The following C11orf97 variants were observed in gnomAD, a reference collection of about 807,000 sequenced individuals.
The protein encoded by C11orf97 is chromosome 11 open reading frame 97.
A neutral mutation model predicts 16.2 loss-of-function variants in C11orf97; 15 were observed. The ratio of observed to expected loss-of-function variants is 0.93; its 90% CI spans 0.62 to 1.43. The LOEUF is 1.43. C11orf97 is among the 40% of genes most tolerant of loss of function. The pLI is 0.00. For synonymous variants in C11orf97, 61 were observed against 65.7 expected, an observed-to-expected ratio of 0.93 and a Z score of 0.34; for missense variants, 171 against 161.2, an observed-to-expected ratio of 1.06 and a Z score of -0.33.
Position 94,512,496 on chromosome 11 carries a change from C to A in C11orf97, c.-33C>A. 1 of 1,270,918 alleles carries A rather than the reference C, an allele frequency of 7.9e-7. No homozygotes were observed. Among genetic ancestry groups the A allele is most frequent in the Non-Finnish European group, 9.9e-7 (1 of 1,007,888 alleles). 78.7% of individuals were successfully genotyped at this position (1,270,918 alleles called of 1,614,324 possible). A position where few individuals can be genotyped will look rare whatever the true frequency, so the allele number is the denominator to read the frequency against. On this transcript the variant is annotated 5_prime_UTR_variant, in exon 1 of 4. Coordinates refer to ENST00000542198, the MANE Select transcript of C11orf97 (RefSeq NM_001190462.2). ...GCCTGCGACTGAGCTGAGAAGGAAA[C>A]CGTGCCCAGGGCTCTCGGAAGACCG...
intron 2 of C11orf97, among the ~76,000 whole-genome samples, chr11:94,522,627 A>G (rs1947667322): frequency 6.6e-6 from 1 of 152,158 alleles, no homozygotes; most frequent in East Asian, 1.9e-4. Flanking sequence ...GGCATAGCCT[A>G]TGGTCCAAAT....
At chr11:94,519,144 G>A (rs774930790) in intron 2 of C11orf97, among the ~76,000 whole-genome samples, 24 of 152,230 alleles carry the variant, frequency 1.6e-4, no homozygotes, top group Middle Eastern at 3.4e-3. Flanking sequence ...TCCTGACCTC[G>A]TGATCTGCCC....
chr11:94,531,283 T>C (rs773006373), intron 3 of C11orf97, among the ~76,000 whole-genome samples: 2 of 151,866 alleles, frequency 1.3e-5, no homozygotes, highest in Non-Finnish European at 2.9e-5. Context: ...CTACTAAAAA[T>C]ACAAAAATTA....
At chr11:94,522,991 G>A (rs1362672288) in intron 2 of C11orf97, among the ~76,000 whole-genome samples, 1 of 152,118 alleles carries the variant, frequency 6.6e-6, no homozygotes, top group Non-Finnish European at 1.5e-5. Context: ...CCACTCCACT[G>A]TTCAGCATCC....
chr11:94,531,299 CG>C (rs2135187478), intron 3 of C11orf97, among the ~76,000 whole-genome samples: 2 of 151,988 alleles, frequency 1.3e-5, no homozygotes, highest in East Asian at 3.9e-4. Flanking sequence ...AATTAGCAGG[CG>C]GGGTGACGCA....
chr11:94,512,733 G>A (rs1947579637), intron 1 of C11orf97, 60 bp downstream of exon 1: 2 of 1,232,320 alleles, frequency 1.6e-6, no homozygotes, highest in Admixed American at 4.2e-5. Context: ...ACGAGTGACA[G>A]GGCAATTGGG....
chr11:94,531,491 A>G (rs1439225923), intron 3 of C11orf97, among the ~76,000 whole-genome samples: 1 of 135,736 alleles, frequency 7.4e-6, no homozygotes, highest in Non-Finnish European at 1.5e-5. Context: ...AAAACCTTTT[A>G]TCGTTTCCTT....
chr11:94,526,639 G>C (rs1054900821), intron 2 of C11orf97, among the ~76,000 whole-genome samples: 2 of 152,178 alleles, frequency 1.3e-5, no homozygotes, highest in Non-Finnish European at 2.9e-5. Flanking sequence ...AATGTCATAG[G>C]CTCCTAAATT....
intron 3 of C11orf97, among the ~76,000 whole-genome samples, chr11:94,529,219 G>A (rs1947720752): frequency 2.0e-5 from 3 of 152,160 alleles, no homozygotes; most frequent in Non-Finnish European, 4.4e-5. Context: ...CACGAGCTAG[G>A]ATGTCTATTG....
chr11:94,514,638 GC>G (rs1246840739), intron 1 of C11orf97, among the ~76,000 whole-genome samples: 4 of 109,450 alleles, frequency 3.7e-5, no homozygotes, highest in Admixed American at 9.7e-5. Flanking sequence ...ATTTATTTTT[GC>G]CTTTTTTTTT....
intron 3 of C11orf97, among the ~76,000 whole-genome samples, chr11:94,531,080 A>C (rs1405098419): frequency 6.6e-6 from 1 of 152,178 alleles, no homozygotes; most frequent in Non-Finnish European, 1.5e-5. Context: ...TTAAATTTAG[A>C]ATTATGATCA....
intron 1 of C11orf97, among the ~76,000 whole-genome samples, chr11:94,514,961 T>C (rs760970441): frequency 1.8e-4 from 27 of 152,258 alleles, no homozygotes; most frequent in Non-Finnish European, 2.9e-4. Flanking sequence ...ACCTTTAGGA[T>C]CACTTGTAGT....
In C11orf97 at chr11:94,512,599, C is replaced by G; in HGVS notation, c.71C>G (p.Pro24Arg). The part of the protein sequence containing the change: ...APKAGREEEQ[P>R]PPPAGLGCGA... ...AAGGCGGGTCGCGAAGAGGAGCAGC[C>G]TCCTCCGCCAGCAGGGCTGGGGTGC... Residue 24 changes from proline (P) to arginine (R), a missense_variant, in exon 1 of 4, where the codon CCT becomes CGT. Transcript: ENST00000542198. The G allele has an allele frequency of 7.8e-7, 1 of 1,279,678 alleles. No homozygotes were observed. Among genetic ancestry groups the G allele is most frequent in the Non-Finnish European group, 9.9e-7 (1 of 1,012,624 alleles). The allele number at this position is 1,279,678 out of a possible 1,614,324, so 79.3% of individuals were successfully genotyped here.
chr11:94,530,901 A>ATGAGTT (rs1173684704), intron 3 of C11orf97, among the ~76,000 whole-genome samples: 4 of 152,180 alleles, frequency 2.6e-5, no homozygotes, highest in Non-Finnish European at 5.9e-5. Context: ...GTGGCTTACA[A>ATGAGTT]TGAGTTTTCC....
Position 94,512,505 on chromosome 11 carries a change from G to T in C11orf97, c.-24G>T. 1 of 1,280,288 alleles carries T rather than the reference G, an allele frequency of 7.8e-7. No homozygotes were observed. The highest frequency in any genetic ancestry group is 9.9e-7 in the Non-Finnish European group (1 of 1,013,350). 79.3% of individuals were successfully genotyped at this position (1,280,288 alleles called of 1,614,324 possible). On this transcript the variant is annotated 5_prime_UTR_variant, in exon 1 of 4. The change creates a new upstream start codon in the 5' untranslated region. Coordinates refer to ENST00000542198, the MANE Select transcript of C11orf97 (RefSeq NM_001190462.2). ...TGAGCTGAGAAGGAAACCGTGCCCA[G>T]GGCTCTCGGAAGACCGCTGCGGCAT...
At position 94,512,524 on chromosome 11, in the gene C11orf97, G is replaced by C; in HGVS notation, c.-5G>C. On this transcript the variant is annotated 5_prime_UTR_variant, in exon 1 of 4. Coordinates refer to ENST00000542198, the MANE Select transcript of C11orf97 (RefSeq NM_001190462.2). Reference sequence around the variant, plus strand: ...TGCCCAGGGCTCTCGGAAGACCGCTGCGGCATGACAGGCGAGGAGGCGGTG... The same window carrying C: ...TGCCCAGGGCTCTCGGAAGACCGCTCCGGCATGACAGGCGAGGAGGCGGTG... 1 of 1,306,396 alleles carries C rather than the reference G, an allele frequency of 7.7e-7. No homozygotes were observed. The highest frequency in any genetic ancestry group is 9.7e-7 in the Non-Finnish European group (1 of 1,027,324). The allele number at this position is 1,306,396 out of a possible 1,614,324, so 80.9% of individuals were successfully genotyped here. A position where few individuals can be genotyped will look rare whatever the true frequency, so the allele number is the denominator to read the frequency against.
intron 3 of C11orf97, among the ~76,000 whole-genome samples, chr11:94,529,986 A>G (rs1001516775): frequency 1.9e-4 from 29 of 152,180 alleles, no homozygotes; most frequent in African/African-American, 7.0e-4. Flanking sequence ...TCACTAAGTA[A>G]TTTGTTTTAA....
At chr11:94,525,714 C>A (rs1947695851) in intron 2 of C11orf97, among the ~76,000 whole-genome samples, 1 of 152,178 alleles carries the variant, frequency 6.6e-6, no homozygotes, top group South Asian at 2.1e-4. Context: ...CAAACTCTGA[C>A]CTTGCTTGCA....
At chr11:94,514,966 TGTA>T (rs1201518195) in intron 1 of C11orf97, among the ~76,000 whole-genome samples, 1 of 152,130 alleles carries the variant, frequency 6.6e-6, no homozygotes, top group Non-Finnish European at 1.5e-5. Context: ...TAGGATCACT[TGTA>T]GTGCTCTAAC....
Sources: allele counts gnomAD v4.1 joint callset (sites outside exome capture counted in the v4.1 genomes callset), GRCh38; gene constraint gnomAD v4.1.1; transcripts MANE v1.5; gene names NCBI Gene and HGNC (gene_info 2026-07-23, HGNC 2026-07-21).